Variants in LEUTX observed in about 807,000 individuals in gnomAD.
LEUTX encodes the protein leucine twenty homeobox.
LEUTX carries 5 observed loss-of-function variants against 4.5 expected under a neutral mutation model. That is an observed-to-expected ratio of 1.11 (90% CI 0.58 to 2.34). The LOEUF is 2.34. Among genes scored for constraint, LEUTX ranks in the 30% most tolerant of loss-of-function variants. The probability of loss-of-function intolerance (pLI) is 0.01; values close to 1 mark genes in which losing one functional copy is unlikely to be tolerated. For synonymous variants in LEUTX, 89 were observed against 85.1 expected, an observed-to-expected ratio of 1.05 and a Z score of -0.25; for missense variants, 233 against 239.4, an observed-to-expected ratio of 0.97 and a Z score of 0.18.
chr19:39,785,689 C>T lies in LEUTX; in HGVS notation c.160-9C>T, dbSNP rs1967957217. 6.5e-7 allele frequency: 1 copy of T among 1,548,258 alleles called. No homozygotes were observed. Among genetic ancestry groups the T allele is most frequent in the African/African-American group, 1.4e-5 (1 of 72,832 alleles). ...TCCATTATTAACCTCCCCCCTCCTC[C>T]CTCCTTAGATCTGGTTCAAGAACCA... On this transcript the variant is annotated splice_polypyrimidine_tract_variant and intron_variant, in intron 2 of 2. Coordinates refer to ENST00000638280, the MANE Select transcript of LEUTX (RefSeq NM_001382345.1).
chr19:39,780,104 T>C (rs1276247785), intron 1 of LEUTX, among the ~76,000 whole-genome samples: 1 of 152,228 alleles, frequency 6.6e-6, no homozygotes, highest in Admixed American at 6.5e-5. Flanking sequence ...TTGATTCTAA[T>C]AGAAAAATTA....
rs1054016006 is a variant in LEUTX, at chr19:39,786,208, T to G, written c.*73T>G. ...ACATATTTCCACACATCTTTAATGGTTTGACCCCAGTCTAAGTAGATCAGG... is the reference window on the plus strand; with the variant it reads ...ACATATTTCCACACATCTTTAATGGGTTGACCCCAGTCTAAGTAGATCAGG... On this transcript the variant is annotated 3_prime_UTR_variant, in exon 3 of 3. Transcript: ENST00000638280. The G allele has an allele frequency of 4.5e-5, 54 of 1,201,362 alleles. No homozygotes were observed. In the Middle Eastern group the frequency reaches 7.9e-4, roughly 18 times the overall value. The allele number at this position is 1,201,362 out of a possible 1,614,324, so 74.4% of individuals were successfully genotyped here. A position where few individuals can be genotyped will look rare whatever the true frequency, so the allele number is the denominator to read the frequency against.
intron 1 of LEUTX, among the ~76,000 whole-genome samples, chr19:39,783,277 TATA>T (rs371810824): frequency 7.0e-4 from 103 of 146,878 alleles, no homozygotes; most frequent in East Asian, 1.4e-3. Flanking sequence ...ATATATAAAT[TATA>T]ATATTTGTAT....
chr19:39,785,209 C>T (rs1967947600), intron 2 of LEUTX, among the ~76,000 whole-genome samples: 1 of 152,138 alleles, frequency 6.6e-6, no homozygotes, highest in Admixed American at 6.6e-5. Flanking sequence ...GAGGTGGAGG[C>T]AGGAGGATCG....
At chr19:39,776,567 A>G (rs1157047741), upstream of LEUTX, 1 of 455,922 alleles carries the variant, frequency 2.2e-6, no homozygotes, top group Non-Finnish European at 4.4e-6. Flanking sequence ...TGTGCTCCAA[A>G]CAAATGCAAC....
At chr19:39,782,816 A>T (rs533788606) in intron 1 of LEUTX, among the ~76,000 whole-genome samples, 1 of 152,314 alleles carries the variant, frequency 6.6e-6, no homozygotes, top group Admixed American at 6.5e-5. Context: ...TTCACAGGTC[A>T]AGCTTAGGAA....
At chr19:39,783,865 G>A (rs1005211321) in intron 1 of LEUTX, among the ~76,000 whole-genome samples, 3 of 151,906 alleles carry the variant, frequency 2.0e-5, no homozygotes, top group East Asian at 1.9e-4. Context: ...GTTTGAGTTC[G>A]TTGCAGATTC....
At chr19:39,783,425 C>T (rs537398779) in intron 1 of LEUTX, among the ~76,000 whole-genome samples, 1 of 150,184 alleles carries the variant, frequency 6.7e-6, no homozygotes, top group Admixed American at 6.7e-5. Context: ...TGGGTTGGTT[C>T]CACATTTTTA....
rs28844413 is a variant in LEUTX at position 39,783,675 on chromosome 19, A to T, written c.8-852A>T. Among the ~76,000 whole-genome samples the T allele has an allele frequency of 6.0e-5, 9 of 149,838 alleles. No homozygotes were observed. In the South Asian group the frequency reaches 6.3e-4, roughly 11 times the overall value. ...TCCACGCCAACATCTATTTTTTTTTATTTTTTTTATTATGGCCATTCTTGT... is the reference window on the plus strand; with the variant it reads ...TCCACGCCAACATCTATTTTTTTTTTTTTTTTTTATTATGGCCATTCTTGT... On this transcript the variant is annotated intron_variant, in intron 1 of 2. Coordinates refer to ENST00000638280, the MANE Select transcript of LEUTX (RefSeq NM_001382345.1).
At chr19:39,783,226 G>A (rs73546648) in intron 1 of LEUTX, among the ~76,000 whole-genome samples, 2,269 of 147,716 alleles carry the variant, frequency 0.015, 61 homozygotes, top group African/African-American at 0.053. Context: ...TTATGGCTGA[G>A]TGGCATTCCA....
intron 1 of LEUTX, among the ~76,000 whole-genome samples, chr19:39,780,007 C>T (rs1418875839): frequency 6.6e-6 from 1 of 152,168 alleles, no homozygotes; most frequent in African/African-American, 2.4e-5. Context: ...GAGCAAGACT[C>T]TGTCTCAAAA....
At chr19:39,777,929 G>T (rs1967821358), upstream of LEUTX, among the ~76,000 whole-genome samples, 1 of 152,174 alleles carries the variant, frequency 6.6e-6, no homozygotes, top group Admixed American at 6.5e-5. Flanking sequence ...CAACCTGGTG[G>T]GGGTGTGGAG....
chr19:39,780,890 G>T (rs1967875314), intron 1 of LEUTX, among the ~76,000 whole-genome samples: 1 of 151,624 alleles, frequency 6.6e-6, no homozygotes, highest in Non-Finnish European at 1.5e-5. Flanking sequence ...TTTTAGTAGA[G>T]ATGGGGTTTC....
rs376613498 is a variant in LEUTX at position 39,786,024 on chromosome 19, A to C, written c.486A>C (p.Ile162=). ...CTTGGGCCTCCACTCTCTTTGAAAT[A>C]GATGAATTTGTAAAGATCTATGACT... The part of the protein sequence containing the change: ...NPPWASTLFE[I]DEFVKIYDLP... Residue 162 remains isoleucine, a synonymous_variant, in exon 3 of 3, where the codon ATA becomes ATC. Coordinates refer to ENST00000638280, the MANE Select transcript of LEUTX (RefSeq NM_001382345.1). 3,644 of 1,551,768 alleles carry C rather than the reference A, an allele frequency of 2.3e-3. 15 individuals carry two copies. Among genetic ancestry groups the C allele is most frequent in the South Asian group, 7.9e-3 (668 of 84,058 alleles).
upstream of LEUTX, among the ~76,000 whole-genome samples, chr19:39,777,986 A>C (rs984228234): frequency 2.6e-5 from 4 of 152,118 alleles, no homozygotes; most frequent in Non-Finnish European, 4.4e-5. Context: ...ATGGGCCAAG[A>C]CCAGAGTCCC....
intron 1 of LEUTX, among the ~76,000 whole-genome samples, chr19:39,784,106 G>A (rs1967927854): frequency 6.6e-6 from 1 of 151,954 alleles, no homozygotes; most frequent in African/African-American, 2.4e-5. Context: ...GTCTCCTAAA[G>A]TTTTTATTAT....
upstream of LEUTX, among the ~76,000 whole-genome samples, chr19:39,776,953 A>C (rs1363482044): frequency 6.6e-6 from 1 of 152,214 alleles, no homozygotes; most frequent in Non-Finnish European, 1.5e-5. Context: ...TTTGTCCTTC[A>C]CTTGGAATAA....
chr19:39,783,835 G>A (rs922453443), intron 1 of LEUTX, among the ~76,000 whole-genome samples: 1 of 151,722 alleles, frequency 6.6e-6, no homozygotes, highest in African/African-American at 2.4e-5. Context: ...GGAATTGTTT[G>A]GTTTTTTTCT....
chr19:39,778,303 A>G (rs984387149), upstream of LEUTX, among the ~76,000 whole-genome samples: 8 of 152,164 alleles, frequency 5.3e-5, no homozygotes, highest in African/African-American at 1.9e-4. Flanking sequence ...CCCCAAATCC[A>G]TACTCAAGAG....
Sources: allele counts gnomAD v4.1 joint callset (sites outside exome capture counted in the v4.1 genomes callset), GRCh38; gene constraint gnomAD v4.1.1; transcripts MANE v1.5; gene names NCBI Gene and HGNC (gene_info 2026-07-23, HGNC 2026-07-21).